The following SGK3 variants were observed in gnomAD, a reference collection of about 807,000 sequenced individuals.
SGK3 encodes the protein serum/glucocorticoid regulated kinase family member 3, also known as serine/threonine-protein kinase Sgk3.
Under a neutral mutation model 68.5 loss-of-function variants are expected in SGK3, and 47 were observed. The ratio of observed to expected loss-of-function variants is 0.69; its 90% confidence interval spans 0.54 to 0.87. The LOEUF (loss-of-function observed/expected upper bound fraction) is 0.87, where lower values mean the gene tolerates loss of function less well. Among genes scored for constraint, SGK3 ranks in the 40% least tolerant of loss-of-function variants. The pLI, the probability that SGK3 is intolerant of heterozygous loss-of-function variation, is 0.00. For synonymous variants in SGK3, 181 were observed against 189.1 expected (o/e 0.96, Z 0.35); for missense variants, 479 against 575.5 (o/e 0.83, Z 1.72).
chr8:66,852,678 T>G (rs1273771031), intron 16 of SGK3, among the ~76,000 whole-genome samples: 1 of 152,168 alleles, frequency 6.6e-6, no homozygotes, highest in Non-Finnish European at 1.5e-5. Context: ...TATACATAGC[T>G]CATAGCTGGT....
At position 66,843,550 on chromosome 8, in the gene SGK3, A is replaced by G. The variant is rs377536110; in HGVS notation, c.1074+3A>G. 6.2e-6 allele frequency: 10 copies of G among 1,611,636 alleles called. No individual in the cohort carries two copies. The African/African-American group carries it at 1.3e-4, about 22-fold the overall frequency. On this transcript the variant is annotated splice_donor_region_variant and intron_variant, in intron 14 of 16. Transcript: ENST00000521198. ...TGTATGAAATGCTGTATGGATTGGTATGTATTTCTATACCTCATTATTCCA... is the reference window on the plus strand; with the variant it reads ...TGTATGAAATGCTGTATGGATTGGTGTGTATTTCTATACCTCATTATTCCA...
At chr8:66,820,768 A>G (rs1401846751) in intron 5 of SGK3, among the ~76,000 whole-genome samples, 3 of 152,022 alleles carry the variant, frequency 2.0e-5, no homozygotes, top group African/African-American at 4.8e-5. Flanking sequence ...CAGGGGTGCA[A>G]TCTTGGTTCA....
At chr8:66,830,383 C>T (rs946416887) in intron 7 of SGK3, among the ~76,000 whole-genome samples, 5 of 152,160 alleles carry the variant, frequency 3.3e-5, no homozygotes, top group Non-Finnish European at 5.9e-5. Flanking sequence ...AAGTGTTTAT[C>T]TCACTAGTCT....
At chr8:66,745,353 C>T (rs528644696) in intron 1 of SGK3, among the ~76,000 whole-genome samples, 2 of 152,148 alleles carry the variant, frequency 1.3e-5, no homozygotes, top group Non-Finnish European at 2.9e-5. Flanking sequence ...AGGTGGATCA[C>T]GAGGTCAGGA....
chr8:66,839,864 CTTG>C, intron 10 of SGK3, 136 bp from the exon 11 acceptor site: 1 of 733,754 alleles, frequency 1.4e-6, no homozygotes, highest in Non-Finnish European at 2.2e-6. Context: ...ATTTCTGTGC[CTTG>C]TTAACATTTT....
intron 2 of SGK3, among the ~76,000 whole-genome samples, chr8:66,796,955 T>A (rs942732787): frequency 2.0e-5 from 3 of 151,042 alleles, no homozygotes; most frequent in African/African-American, 4.9e-5. Context: ...TTTTTTTTTT[T>A]ACCAATGGAA....
chr8:66,786,098 G>T (rs983694939), intron 1 of SGK3, among the ~76,000 whole-genome samples: 1 of 152,192 alleles, frequency 6.6e-6, no homozygotes, highest in Non-Finnish European at 1.5e-5. Flanking sequence ...CTGGCCAGAA[G>T]ATGATTTTGC....
rs571773891 is a variant in SGK3, at chr8:66,859,058, C to T, written c.1321-353C>T. On this transcript the variant is annotated intron_variant, in intron 16 of 16. Transcript: ENST00000521198. ...TAATAAAGGACTAAATTGGGCCAGG[C>T]GCGGTGGCTCACACCTGTAATCCCA... 3.2e-4 allele frequency among the ~76,000 whole-genome samples: 48 copies of T among 152,210 alleles called. No individual in the cohort carries two copies. The South Asian group carries it at 7.9e-3, about 25-fold the overall frequency.
At chr8:66,748,533 G>A (rs551773822) in intron 1 of SGK3, among the ~76,000 whole-genome samples, 1 of 152,212 alleles carries the variant, frequency 6.6e-6, no homozygotes, top group Non-Finnish European at 1.5e-5. Flanking sequence ...CTGCCTGTGG[G>A]CCATGTGTCA....
intron 1 of SGK3, among the ~76,000 whole-genome samples, chr8:66,722,977 G>T (rs1415246120): frequency 4.6e-5 from 7 of 151,074 alleles, no homozygotes. Flanking sequence ...CCTTTCACCA[G>T]ACTCCATCTC....
intron 1 of SGK3, among the ~76,000 whole-genome samples, chr8:66,771,318 T>C (rs1349198843): frequency 6.6e-6 from 1 of 152,220 alleles, no homozygotes; most frequent in Non-Finnish European, 1.5e-5. Flanking sequence ...TATAGATTGT[T>C]TGGGACAGAC....
Position 66,829,012 on chromosome 8 carries a change from G to C in SGK3, c.467+309G>C, listed in dbSNP as rs1484362218. Among the ~76,000 whole-genome samples, 10 of 150,426 alleles carry C rather than the reference G, an allele frequency of 6.6e-5. No individual in the cohort carries two copies. The East Asian group carries it at 2.0e-3, about 29-fold the overall frequency. ...TGTGTGTGTGTGTCTAAAATCAGTA[G>C]ACCATATTTCCCAAGGGACCACAAG... On this transcript the variant is annotated intron_variant, in intron 7 of 16. Transcript: ENST00000521198.
intron 4 of SGK3, among the ~76,000 whole-genome samples, chr8:66,807,188 A>G (rs929727882): frequency 3.3e-5 from 5 of 152,208 alleles, no homozygotes; most frequent in Non-Finnish European, 7.3e-5. Context: ...GGTAACACAT[A>G]TAGAGAAGAG....
chr8:66,742,836 C>G (rs191973432), intron 1 of SGK3, among the ~76,000 whole-genome samples: 49 of 152,242 alleles, frequency 3.2e-4, no homozygotes, highest in Non-Finnish European at 2.4e-4. Flanking sequence ...AGTCTATGAC[C>G]TTTCATGGTT....
rs187636892 is a variant in SGK3 at position 66,717,997 on chromosome 8, G to A, written c.-122+5164G>A. Among the ~76,000 whole-genome samples, 49 of 145,386 alleles carry A rather than the reference G, an allele frequency of 3.4e-4. No individual in the cohort carries two copies. In the East Asian group the frequency reaches 8.3e-3, roughly 25 times the overall value. ...ATTACAGGCGTGAGCCACTGCGCCC[G>A]GCCTACTCTAGTTATTTACCTCCCT... On this transcript the variant is annotated intron_variant, in intron 1 of 16. Transcript: ENST00000521198.
chr8:66,844,872 G>C (rs1273830422), intron 14 of SGK3, among the ~76,000 whole-genome samples: 1 of 152,178 alleles, frequency 6.6e-6, no homozygotes, highest in Admixed American at 6.5e-5. Context: ...ACTGTGACCT[G>C]CATGTTAAAA....
chr8:66,855,662 A>C (rs2130759348), intron 16 of SGK3, among the ~76,000 whole-genome samples: 1 of 152,348 alleles, frequency 6.6e-6, no homozygotes, highest in South Asian at 2.1e-4. Flanking sequence ...AAACACCAAC[A>C]ACCAATAGAA....
Position 66,713,595 on chromosome 8 carries a change from T to C in SGK3, c.-122+762T>C, listed in dbSNP as rs1056289768. ...TTTTGTCAAAGTGAAAAATAGACTG[T>C]TGTGTATTTTGATTCTCTCCCTTCT... On this transcript the variant is annotated intron_variant, in intron 1 of 16. Coordinates refer to ENST00000521198, the MANE Select transcript of SGK3 (RefSeq NM_001033578.3). Among the ~76,000 whole-genome samples, 6 of 152,330 alleles carry C rather than the reference T, an allele frequency of 3.9e-5. No homozygotes were observed. The South Asian group carries it at 1.0e-3, about 26-fold the overall frequency.
chr8:66,774,776 T>C (rs1187922160), intron 1 of SGK3, among the ~76,000 whole-genome samples: 1 of 152,116 alleles, frequency 6.6e-6, no homozygotes, highest in East Asian at 1.9e-4. Context: ...GTTTCTTTGC[T>C]CCTCTGAATC....
Sources: allele counts gnomAD v4.1 joint callset (sites outside exome capture counted in the v4.1 genomes callset), GRCh38; gene constraint gnomAD v4.1.1; transcripts MANE v1.5; gene names NCBI Gene and HGNC (gene_info 2026-07-23, HGNC 2026-07-21).